SH3BGRL: variants seen among roughly 807,000 people sequenced by gnomAD.
SH3BGRL encodes SH3 domain binding glutamate rich protein like, also known as adapter SH3BGRL.
Under a neutral mutation model 9.8 loss-of-function variants are expected in SH3BGRL, and 7 were observed. The ratio of observed to expected loss-of-function variants is 0.72; its 90% CI spans 0.41 to 1.35. The LOEUF is 1.35. Among genes scored for constraint, SH3BGRL ranks in the 40% most tolerant of loss-of-function variants. The probability of loss-of-function intolerance (pLI) is 0.01; values close to 1 mark genes in which losing one functional copy is unlikely to be tolerated. For synonymous variants in SH3BGRL, 36 were observed against 29.1 expected (o/e 1.24, Z -0.76); for missense variants, 73 against 84.4 (o/e 0.86, Z 0.53).
At chrX:81,267,156 A>G (rs957942767) in intron 1 of SH3BGRL, among the ~76,000 whole-genome samples, 2 of 111,796 alleles carry the variant, frequency 1.8e-5, no homozygotes, top group Admixed American at 9.5e-5. Context: ...CTGCAAACAG[A>G]GACAATTTGA....
intron 3 of SH3BGRL, among the ~76,000 whole-genome samples, chrX:81,291,820 T>C (rs1465165604): frequency 1.8e-5 from 2 of 112,203 alleles, no homozygotes; most frequent in African/African-American, 6.5e-5. Context: ...AATTGCTCTA[T>C]GTAAGACTGA....
At chrX:81,226,282 T>C (rs2075616319) in intron 1 of SH3BGRL, among the ~76,000 whole-genome samples, 1 of 110,241 alleles carries the variant, frequency 9.1e-6, no homozygotes, top group Non-Finnish European at 1.9e-5. Context: ...ATCCCTGGCA[T>C]GTCTCCTTGC....
intron 1 of SH3BGRL, among the ~76,000 whole-genome samples, chrX:81,248,625 G>T (rs1347761687): frequency 1.8e-5 from 2 of 112,565 alleles, no homozygotes; most frequent in East Asian, 5.6e-4. Context: ...TCTCTGGCAA[G>T]GGACTAAAAT....
intron 1 of SH3BGRL, among the ~76,000 whole-genome samples, chrX:81,217,217 A>T (rs2075583990): frequency 9.0e-6 from 1 of 110,992 alleles, no homozygotes; most frequent in Non-Finnish European, 1.9e-5. Flanking sequence ...TATTTTCAAA[A>T]AACCAGCTTT....
chrX:81,249,480 G>T (rs2075702285), intron 1 of SH3BGRL, among the ~76,000 whole-genome samples: 1 of 111,813 alleles, frequency 8.9e-6, no homozygotes, highest in African/African-American at 3.3e-5. Flanking sequence ...CCATTTTATT[G>T]CTTATAACAT....
At chrX:81,245,004 G>T (rs2147690185) in intron 1 of SH3BGRL, among the ~76,000 whole-genome samples, 1 of 111,467 alleles carries the variant, frequency 9.0e-6, no homozygotes. Context: ...TTAGTTCTTG[G>T]GCCTGAAAGT....
intron 1 of SH3BGRL, among the ~76,000 whole-genome samples, chrX:81,242,259 C>G (rs2075672533): frequency 9.0e-6 from 1 of 111,708 alleles, no homozygotes; most frequent in African/African-American, 3.3e-5. Context: ...GAAACAAATC[C>G]ACACATTTAC....
Position 81,277,056 on chromosome X carries a change from G to A in SH3BGRL, c.118G>A (p.Ala40Thr). ...AATAGGATTTGAAGAAAAAGATATT[G>A]CAGCCAATGAAGAGAATCGGAAGTG... ...NKIGFEEKDI[A>T]ANEENRKWMR... Residue 40 changes from alanine to threonine, a missense_variant, in exon 2 of 4, where the codon GCA becomes ACA. By Grantham distance (58) the Ala-to-Thr change is moderately conservative. Coordinates refer to ENST00000373212, the MANE Select transcript of SH3BGRL (RefSeq NM_003022.3). 1.7e-6 allele frequency: 2 copies of A among 1,207,203 alleles called. No individual in the cohort carries two copies. The highest frequency in any genetic ancestry group is 2.2e-6 in the Non-Finnish European group (2 of 892,712).
At chrX:81,243,700 G>A (rs1028736168) in intron 1 of SH3BGRL, among the ~76,000 whole-genome samples, 1 of 110,032 alleles carries the variant, frequency 9.1e-6, no homozygotes, top group Non-Finnish European at 1.9e-5. Flanking sequence ...TACCAACTAT[G>A]TGCTCACAAA....
intron 1 of SH3BGRL, among the ~76,000 whole-genome samples, chrX:81,263,692 A>G (rs1281616820): frequency 9.0e-6 from 1 of 111,719 alleles, no homozygotes; most frequent in African/African-American, 3.3e-5. Flanking sequence ...TTCTGCTTTC[A>G]AAAGAAATAC....
chrX:81,233,793 GCCAGGATCCGTAT>G (rs1396016930), intron 1 of SH3BGRL, among the ~76,000 whole-genome samples: 12 of 111,403 alleles, frequency 1.1e-4, no homozygotes, highest in African/African-American at 3.9e-4. Context: ...TAATTTTAGA[GCCAGGATCCGTAT>G]CCAGGATTTT....
chrX:81,202,551 G>C, intron 1 of SH3BGRL: 4 of 858,155 alleles, frequency 4.7e-6, no homozygotes, highest in Non-Finnish European at 4.2e-6. Flanking sequence ...TTAGGGTTAC[G>C]TGAAGTCAAG....
chrX:81,244,816 C>T (rs1189586929), intron 1 of SH3BGRL, among the ~76,000 whole-genome samples: 3 of 110,909 alleles, frequency 2.7e-5, no homozygotes, highest in Non-Finnish European at 3.8e-5. Flanking sequence ...CTACAGGCCC[C>T]GGTGTGGTGT....
At chrX:81,233,797 G>A (rs951673979) in intron 1 of SH3BGRL, among the ~76,000 whole-genome samples, 3 of 111,498 alleles carry the variant, frequency 2.7e-5, no homozygotes, top group African/African-American at 9.8e-5. Context: ...TTTAGAGCCA[G>A]GATCCGTATC....
At chrX:81,286,778 C>T (rs909985139) in intron 3 of SH3BGRL, among the ~76,000 whole-genome samples, 4 of 111,011 alleles carry the variant, frequency 3.6e-5, no homozygotes, top group South Asian at 3.8e-4. Context: ...ATTGGGAATA[C>T]GGAGGAAGAG....
chrX:81,245,146 G>C (rs1199632598), intron 1 of SH3BGRL, among the ~76,000 whole-genome samples: 9 of 111,959 alleles, frequency 8.0e-5, no homozygotes, highest in Middle Eastern at 4.6e-3. Context: ...AATAGATCTT[G>C]TCAGTATTCT....
chrX:81,269,911 C>A (rs1265017652), intron 1 of SH3BGRL, among the ~76,000 whole-genome samples: 1 of 111,016 alleles, frequency 9.0e-6, no homozygotes, highest in Non-Finnish European at 1.9e-5. Context: ...AGGCTTCGTT[C>A]ATTTCTTTTT....
intron 1 of SH3BGRL, among the ~76,000 whole-genome samples, chrX:81,264,516 G>C (rs946433106): frequency 9.0e-6 from 1 of 111,534 alleles, no homozygotes; most frequent in South Asian, 3.8e-4. Flanking sequence ...TGCATATCTC[G>C]CTGCTAACAT....
At chrX:81,212,947 G>A (rs141494801) in intron 1 of SH3BGRL, among the ~76,000 whole-genome samples, 184 of 112,757 alleles carry the variant, frequency 1.6e-3, no homozygotes, top group African/African-American at 5.7e-3. Context: ...TTCACTTACA[G>A]AGATTGAATT....
Sources: gnomAD v4.1 joint callset for allele counts (sites outside exome capture counted in the v4.1 genomes callset) on GRCh38, gnomAD v4.1.1 for gene constraint, MANE v1.5 for transcripts, NCBI Gene and HGNC (gene_info 2026-07-23, HGNC 2026-07-21) for gene names.